Variants in SLC4A5 observed in about 807,000 individuals in gnomAD.
SLC4A5 encodes solute carrier family 4 member 5.
A neutral mutation model predicts 120.4 loss-of-function variants in SLC4A5; 96 were observed. The ratio of observed to expected loss-of-function variants is 0.80; its 90% CI spans 0.68 to 0.94. SLC4A5 has a LOEUF of 0.94. SLC4A5 is among the 40% of genes least tolerant of loss of function. SLC4A5 has a pLI of 0.00. For synonymous variants in SLC4A5, 550 were observed against 571.1 expected (o/e 0.96, Z 0.53); for missense variants, 1,259 against 1,459.5 (o/e 0.86, Z 2.24).
At chr2:74,290,513 G>T (rs1169517014) in intron 7 of SLC4A5, 20 of 984,896 alleles carry the variant, frequency 2.0e-5, no homozygotes, top group Non-Finnish European at 2.4e-5. Flanking sequence ...ATATAGGTGT[G>T]GTAAGTGTAA....
At chr2:74,262,170 G>T (rs761947769) in exon 11 of SLC4A5, 2 of 1,613,676 alleles carry the variant, frequency 1.2e-6, no homozygotes, top group African/African-American at 2.7e-5. Flanking sequence ...TGCCGCATCC[G>T]CAGGTCTTCC....
rs1036203063 is a variant in SLC4A5 at position 74,235,031 on chromosome 2, A to T, written c.2433+70T>A. 58 of 1,239,660 alleles carry T rather than the reference A, an allele frequency of 4.7e-5. 1 individual carries two copies. Among genetic ancestry groups the T allele is most frequent in the Non-Finnish European group, 6.4e-5 (54 of 850,264 alleles). 76.8% of individuals were successfully genotyped at this position (1,239,660 alleles called of 1,614,324 possible). A position where few individuals can be genotyped will look rare whatever the true frequency, so the allele number is the denominator to read the frequency against. ...AAGAGGAGAAGAGAGTTTGATCAGC[A>T]CAGAGGGGAAAGAATCTGCAGCTGG... On this transcript the variant is annotated intron_variant, in intron 22 of 30. Transcript: ENST00000394019.
intron 7 of SLC4A5, among the ~76,000 whole-genome samples, chr2:74,302,524 C>T (rs191295992): frequency 2.7e-4 from 41 of 152,196 alleles, no homozygotes; most frequent in Admixed American, 1.3e-3. Context: ...GGCTGAGGCA[C>T]GAGAATCACT....
At chr2:74,307,740 GA>G (rs1672689983) in intron 6 of SLC4A5, 1 of 715,868 alleles carries the variant, frequency 1.4e-6, no homozygotes, top group African/African-American at 1.8e-5. Context: ...AGGAGGCCAG[GA>G]GGTCGTTCAG....
chr2:74,335,361 G>A (rs908735199), intron 3 of SLC4A5, among the ~76,000 whole-genome samples: 5 of 152,206 alleles, frequency 3.3e-5, no homozygotes, highest in Admixed American at 6.5e-5. Flanking sequence ...GGAAATGTGG[G>A]TACCTAGGAA....
intron 7 of SLC4A5, chr2:74,290,289 C>T: frequency 2.0e-6 from 2 of 985,554 alleles, no homozygotes; most frequent in South Asian, 4.7e-5. Context: ...GCTGTCGATG[C>T]TGCCTCTGGC....
intron 8 of SLC4A5, among the ~76,000 whole-genome samples, chr2:74,265,758 T>A (rs943482514): frequency 1.3e-5 from 2 of 152,218 alleles, no homozygotes. Context: ...TGAGTTCCCC[T>A]GCAAGGTCTG....
At chr2:74,276,660 G>C (rs191556271) in intron 8 of SLC4A5, among the ~76,000 whole-genome samples, 162 of 79,892 alleles carry the variant, frequency 2.0e-3, no homozygotes, top group African/African-American at 0.02. Flanking sequence ...CTTACGTTAA[G>C]TGTATATCTT....
chr2:74,228,618 T>C (rs1174332153), intron 25 of SLC4A5, among the ~76,000 whole-genome samples: 1 of 151,372 alleles, frequency 6.6e-6, no homozygotes, highest in African/African-American at 2.4e-5. Flanking sequence ...CGAAAGAGAC[T>C]CTGTCTCAAA....
chr2:74,259,932 G>A (rs988015913), intron 11 of SLC4A5, among the ~76,000 whole-genome samples: 2 of 152,168 alleles, frequency 1.3e-5, no homozygotes, highest in East Asian at 3.9e-4. Context: ...TCACCAGGCT[G>A]TCTACTCTGG....
At chr2:74,285,458 C>T (rs566336350) in intron 8 of SLC4A5, among the ~76,000 whole-genome samples, 1 of 152,278 alleles carries the variant, frequency 6.6e-6, no homozygotes. Context: ...GCGGATTTTG[C>T]CATCAGCAGG....
intron 17 of SLC4A5, among the ~76,000 whole-genome samples, 183 bp from the exon 18 acceptor site, chr2:74,248,669 T>C (rs114399849): frequency 0.015 from 2,230 of 152,300 alleles, 46 homozygotes; most frequent in African/African-American, 0.051. Flanking sequence ...ACCATGGCCA[T>C]TGTCACTCTG....
At chr2:74,290,005 A>T (rs574013719) in intron 7 of SLC4A5, among the ~76,000 whole-genome samples, 8 of 152,262 alleles carry the variant, frequency 5.3e-5, no homozygotes, top group African/African-American at 1.7e-4. Context: ...ATATAGCCCT[A>T]ACCTGCCTTT....
Position 74,232,669 on chromosome 2 carries a change from A to G in SLC4A5, c.2596-22T>C. On this transcript the variant is annotated intron_variant, in intron 23 of 30. Transcript: ENST00000394019. ...CCTTCTGCAGGAGCGGGGTTGGGGG[A>G]GGGAGAAGTTTCTGGGGAGCCAGTT... The G allele has an allele frequency of 1.9e-6, 3 of 1,607,196 alleles. No individual in the cohort carries two copies. In the South Asian group the frequency reaches 3.3e-5, roughly 18 times the overall value.
chr2:74,227,993 G>A (rs1694911422), intron 25 of SLC4A5, 115 bp from the exon 26 acceptor site: 1 of 718,822 alleles, frequency 1.4e-6, no homozygotes, highest in African/African-American at 1.8e-5. Context: ...GGATATTTGG[G>A]GGAACAGAGA....
chr2:74,228,491 G>C (rs186592928), intron 25 of SLC4A5, among the ~76,000 whole-genome samples: 1 of 152,242 alleles, frequency 6.6e-6, no homozygotes, highest in East Asian at 1.9e-4. Context: ...TTAGCCAGGC[G>C]TGGTGGCACA....
chr2:74,239,282 G>A (rs1011097454), intron 21 of SLC4A5, 53 bp downstream of exon 21: 61 of 1,558,352 alleles, frequency 3.9e-5, no homozygotes, highest in Non-Finnish European at 5.0e-5. Context: ...CTCTCTGGGG[G>A]ACTCAGCAGC....
At chr2:74,330,750 T>TATGGAGGTGCTGATGTCTAC (rs1673339329) in intron 4 of SLC4A5, among the ~76,000 whole-genome samples, 1 of 122,510 alleles carries the variant, frequency 8.2e-6, no homozygotes, top group South Asian at 2.7e-4. Context: ...GTGAGGTCTA[T>TATGGAGGTGCTGATGTCTAC]ATGGAGGTGC....
intron 6 of SLC4A5, chr2:74,307,141 C>G: frequency 1.8e-6 from 1 of 558,350 alleles, no homozygotes; most frequent in South Asian, 1.7e-5. Flanking sequence ...AGCATCATCT[C>G]AGCAGCTCCA....
Sources: gnomAD v4.1 joint callset for allele counts (sites outside exome capture counted in the v4.1 genomes callset) on GRCh38, gnomAD v4.1.1 for gene constraint, MANE v1.5 for transcripts, NCBI Gene and HGNC (gene_info 2026-07-23, HGNC 2026-07-21) for gene names.